The following CSMD1 variants were observed in gnomAD, a reference collection of about 807,000 sequenced individuals.
CSMD1 encodes the protein CUB and Sushi multiple domains 1, also known as CUB and sushi domain-containing protein 1.
Under a neutral mutation model 417.5 loss-of-function variants are expected in CSMD1, and 213 were observed. The ratio of observed to expected loss-of-function variants is 0.51; its 90% CI spans 0.46 to 0.57. CSMD1 has a LOEUF of 0.57. Among genes scored for constraint, CSMD1 ranks in the 20% least tolerant of loss-of-function variants. The pLI is 0.00. For synonymous variants in CSMD1, 2,862 were observed against 1,736.8 expected, an observed-to-expected ratio of 1.65 and a Z score of -16.11; for missense variants, 6,923 against 4,529.7, an observed-to-expected ratio of 1.53 and a Z score of -15.17.
chr8:4,039,992 G>A (rs771144184), intron 3 of CSMD1, among the ~76,000 whole-genome samples: 15 of 152,204 alleles, frequency 9.9e-5, no homozygotes, highest in Admixed American at 9.8e-4. Context: ...CTCGGTACAG[G>A]TTAAGTGCCC....
intron 10 of CSMD1, among the ~76,000 whole-genome samples, chr8:3,525,170 T>C (rs1797703594): frequency 6.6e-6 from 1 of 152,168 alleles, no homozygotes; most frequent in Non-Finnish European, 1.5e-5. Flanking sequence ...GGTCTTCTTG[T>C]CTGTGTTCTG....
chr8:3,274,733 A>G (rs1357582921), intron 26 of CSMD1, among the ~76,000 whole-genome samples: 4 of 152,020 alleles, frequency 2.6e-5, no homozygotes, highest in Admixed American at 2.0e-4. Context: ...CTGTTTTATG[A>G]GAGACTAGGA....
At chr8:3,559,899 A>G (rs1799396280) in intron 10 of CSMD1, among the ~76,000 whole-genome samples, 1 of 152,156 alleles carries the variant, frequency 6.6e-6, no homozygotes, top group East Asian at 1.9e-4. Flanking sequence ...GTTGAAGACA[A>G]AAGATATTCA....
In CSMD1 at chr8:3,294,901, G is replaced by A. The variant is rs150034816; in HGVS notation, c.3951-10555C>T. ...TTAGTTGGAAATGGAGAAATCGCCCGTCTTCTGCGTCATTCATGCTGGGAG... is the reference window on the plus strand; with the variant it reads ...TTAGTTGGAAATGGAGAAATCGCCCATCTTCTGCGTCATTCATGCTGGGAG... On this transcript the variant is annotated intron_variant, in intron 25 of 69. Transcript: ENST00000635120. 4.4e-3 allele frequency among the ~76,000 whole-genome samples: 676 copies of A among 152,098 alleles called. 2 individuals carry two copies. The highest frequency in any genetic ancestry group is 5.6e-3 in the African/African-American group (234 of 41,492).
chr8:3,848,311 A>G (rs1367004071), intron 5 of CSMD1, among the ~76,000 whole-genome samples: 1 of 152,138 alleles, frequency 6.6e-6, no homozygotes, highest in East Asian at 1.9e-4. Flanking sequence ...CCCACTAACA[A>G]CAGAGATCAC....
At chr8:3,726,991 C>T (rs954184327) in intron 6 of CSMD1, among the ~76,000 whole-genome samples, 24 of 152,144 alleles carry the variant, frequency 1.6e-4, no homozygotes, top group African/African-American at 5.6e-4. Context: ...CCAGTAAACA[C>T]TGTGAACACA....
chr8:4,471,713 G>T lies in CSMD1; in HGVS notation c.303-51648C>A, dbSNP rs547619823. On this transcript the variant is annotated intron_variant, in intron 2 of 69. Coordinates refer to ENST00000635120, the MANE Select transcript of CSMD1 (RefSeq NM_033225.6). ...AGAGAGAACACGACCCATCTTCAAA[G>T]AAAAATGCAGCAAACACGCGGAGAA... 3.3e-5 allele frequency among the ~76,000 whole-genome samples: 5 copies of T among 150,140 alleles called. No individual in the cohort carries two copies. The South Asian group carries it at 1.1e-3, about 32-fold the overall frequency.
intron 3 of CSMD1, among the ~76,000 whole-genome samples, chr8:4,037,889 A>G (rs1351511547): frequency 6.6e-6 from 1 of 152,132 alleles, no homozygotes; most frequent in Non-Finnish European, 1.5e-5. Context: ...AATAACTGAA[A>G]TTCACGTAGC....
chr8:3,338,275 T>G (rs555446242), intron 23 of CSMD1, among the ~76,000 whole-genome samples: 2 of 152,184 alleles, frequency 1.3e-5, no homozygotes, highest in Admixed American at 6.5e-5. Context: ...GGGAGTGGCT[T>G]AGTCATGCGT....
At chr8:4,232,391 G>C (rs565522882) in intron 3 of CSMD1, among the ~76,000 whole-genome samples, 2 of 152,096 alleles carry the variant, frequency 1.3e-5, no homozygotes, top group Admixed American at 1.3e-4. Context: ...TAGAGACGGG[G>C]TTTCCCCACG....
At chr8:4,478,276 T>G (rs1257271751) in intron 2 of CSMD1, among the ~76,000 whole-genome samples, 1 of 152,204 alleles carries the variant, frequency 6.6e-6, no homozygotes, top group Non-Finnish European at 1.5e-5. Context: ...CTCCTAAGGT[T>G]GAAAATAGTA....
chr8:4,832,267 T>G (rs1452387054), intron 1 of CSMD1, among the ~76,000 whole-genome samples: 1 of 152,126 alleles, frequency 6.6e-6, no homozygotes, highest in Non-Finnish European at 1.5e-5. Flanking sequence ...AAGTTTGTGA[T>G]TCTAGTTCTT....
chr8:3,400,495 T>C (rs1201405208), intron 15 of CSMD1, among the ~76,000 whole-genome samples: 1 of 152,092 alleles, frequency 6.6e-6, no homozygotes, highest in African/African-American at 2.4e-5. Flanking sequence ...GTGAAATTTA[T>C]GGATTTACCA....
At chr8:4,723,243 C>G (rs4875374) in intron 1 of CSMD1, among the ~76,000 whole-genome samples, 61,839 of 151,936 alleles carry the variant, frequency 0.41, 14,429 homozygotes, top group East Asian at 0.64. Flanking sequence ...ACATTTCAGG[C>G]AATTTTCTTG....
At chr8:4,281,875 G>T (rs1395755162) in intron 3 of CSMD1, among the ~76,000 whole-genome samples, 1 of 152,088 alleles carries the variant, frequency 6.6e-6, no homozygotes, top group African/African-American at 2.4e-5. Flanking sequence ...AAAATGTTTT[G>T]CAAATGACAA....
At chr8:3,716,043 C>T (rs537394180) in intron 6 of CSMD1, among the ~76,000 whole-genome samples, 1 of 152,274 alleles carries the variant, frequency 6.6e-6, no homozygotes, top group East Asian at 1.9e-4. Context: ...ATATTTTGGT[C>T]GAATGTCCAC....
chr8:4,292,087 A>G (rs10156313), intron 3 of CSMD1, among the ~76,000 whole-genome samples: 145,623 of 152,136 alleles, frequency 0.96, 70,046 homozygotes, highest in East Asian at 1. Context: ...CCAAGGAGAT[A>G]TACCAGGGAA....
rs114790652 is a variant in CSMD1, at chr8:4,954,497, G to A, written c.85+39835C>T. 8.3e-3 allele frequency among the ~76,000 whole-genome samples: 1,260 copies of A among 152,184 alleles called. 20 individuals are homozygous for A. Among genetic ancestry groups the A allele is most frequent in the African/African-American group, 0.029 (1,206 of 41,518 alleles). ...CTGAAATTGATCACGTGGCACAACA[G>A]AATAGATGCATTCCACCTCAATTCA... On this transcript the variant is annotated intron_variant, in intron 1 of 69. Transcript: ENST00000635120.
At chr8:3,385,515 T>C (rs1312113240) in intron 18 of CSMD1, among the ~76,000 whole-genome samples, 2 of 152,182 alleles carry the variant, frequency 1.3e-5, no homozygotes, top group South Asian at 2.1e-4. Flanking sequence ...CATATACTTT[T>C]GCATTTGTTA....
Sources: allele counts gnomAD v4.1 joint callset (sites outside exome capture counted in the v4.1 genomes callset), GRCh38; gene constraint gnomAD v4.1.1; transcripts MANE v1.5; gene names NCBI Gene and HGNC (gene_info 2026-07-23, HGNC 2026-07-21).